Variants in BCKDHB observed in about 807,000 individuals in gnomAD.
BCKDHB encodes the protein branched chain keto acid dehydrogenase E1 subunit beta.
BCKDHB carries 41 observed loss-of-function variants against 48.5 expected under a neutral mutation model. The ratio of observed to expected loss-of-function variants is 0.85; its 90% CI spans 0.66 to 1.10. The LOEUF (loss-of-function observed/expected upper bound fraction) is 1.10, where lower values mean the gene tolerates loss of function less well. Among genes scored for constraint, BCKDHB ranks in the 50% least tolerant of loss-of-function variants. The probability of loss-of-function intolerance (pLI) is 0.00; values close to 1 mark genes in which losing one functional copy is unlikely to be tolerated. For synonymous variants in BCKDHB, 201 were observed against 174.8 expected, an observed-to-expected ratio of 1.15 and a Z score of -1.18; for missense variants, 496 against 494.2, an observed-to-expected ratio of 1.00 and a Z score of -0.03.
At chr6:80,215,907 A>G (rs1476141617) in intron 8 of BCKDHB, among the ~76,000 whole-genome samples, 2 of 151,984 alleles carry the variant, frequency 1.3e-5, no homozygotes, top group African/African-American at 4.8e-5. Context: ...ATGCCCGTCT[A>G]ATTTTTTGTA....
At chr6:80,233,188 A>G (rs1190222367) in intron 8 of BCKDHB, among the ~76,000 whole-genome samples, 1 of 152,052 alleles carries the variant, frequency 6.6e-6, no homozygotes, top group Non-Finnish European at 1.5e-5. Flanking sequence ...TCTCATTAAC[A>G]TAGTAAGCCT....
chr6:80,367,727 A>G, the BCKDHB span, among the ~76,000 whole-genome samples: 1 of 152,226 alleles, frequency 6.6e-6, no homozygotes, highest in African/African-American at 2.4e-5. Flanking sequence ...AAGGTGAAAC[A>G]TGTACCTGGT....
At chr6:80,385,676 C>G in the BCKDHB span, among the ~76,000 whole-genome samples, 2 of 152,164 alleles carry the variant, frequency 1.3e-5, no homozygotes, top group Non-Finnish European at 2.9e-5. Context: ...CTCTACACCT[C>G]TATTTGCTTC....
intron 8 of BCKDHB, among the ~76,000 whole-genome samples, chr6:80,245,468 T>C (rs1235433268): frequency 6.6e-6 from 1 of 152,174 alleles, no homozygotes; most frequent in Non-Finnish European, 1.5e-5. Flanking sequence ...GCTTCCTTCC[T>C]TGCTGGACCT....
intron 3 of BCKDHB, among the ~76,000 whole-genome samples, chr6:80,137,623 C>G (rs1306945280): frequency 3.9e-5 from 6 of 152,030 alleles, no homozygotes; most frequent in African/African-American, 1.2e-4. Flanking sequence ...GAGGGTATAT[C>G]TAGTCTAGTG....
intron 9 of BCKDHB, among the ~76,000 whole-genome samples, chr6:80,333,863 C>T (rs1303810681): frequency 2.6e-5 from 4 of 151,964 alleles, no homozygotes; most frequent in Admixed American, 2.6e-4. Flanking sequence ...ATGAAAGTAT[C>T]CAGAACCAGA....
At chr6:80,409,607 T>G in the BCKDHB span, among the ~76,000 whole-genome samples, 1 of 77,984 alleles carries the variant, frequency 1.3e-5, no homozygotes, top group Non-Finnish European at 2.3e-5. Context: ...TATATATATA[T>G]ATATATATAT....
the BCKDHB span, among the ~76,000 whole-genome samples, chr6:80,425,760 T>G: frequency 2.0e-5 from 3 of 152,188 alleles, no homozygotes; most frequent in Admixed American, 1.3e-4. Context: ...TGCTGTGTTT[T>G]GTATTTGGAA....
intron 8 of BCKDHB, among the ~76,000 whole-genome samples, chr6:80,236,306 A>G (rs1776144237): frequency 6.6e-6 from 1 of 152,196 alleles, no homozygotes; most frequent in Admixed American, 6.5e-5. Flanking sequence ...GGGCTGTTTT[A>G]TACAATTTTG....
chr6:80,253,945 T>C (rs538193684), intron 8 of BCKDHB, among the ~76,000 whole-genome samples: 1 of 145,942 alleles, frequency 6.9e-6, no homozygotes, highest in South Asian at 2.1e-4. Context: ...TTGAATTAAG[T>C]TAATTAATTA....
intron 8 of BCKDHB, among the ~76,000 whole-genome samples, chr6:80,204,163 T>C (rs944630596): frequency 3.3e-5 from 5 of 152,120 alleles, no homozygotes; most frequent in Admixed American, 2.6e-4. Flanking sequence ...TACAGGCTCT[T>C]TCTTGGGTTA....
At chr6:80,413,600 TA>T in the BCKDHB span, among the ~76,000 whole-genome samples, 1 of 152,224 alleles carries the variant, frequency 6.6e-6, no homozygotes, top group African/African-American at 2.4e-5. Flanking sequence ...GGCATCCAAC[TA>T]CATTCATGTT....
intron 6 of BCKDHB, among the ~76,000 whole-genome samples, chr6:80,193,434 C>T (rs1315613345): frequency 2.0e-5 from 3 of 151,946 alleles, no homozygotes; most frequent in Admixed American, 6.6e-5. Flanking sequence ...TAAGAAGTCT[C>T]CTGGCCAGGC....
chr6:80,267,218 G>A (rs764036252), intron 8 of BCKDHB, among the ~76,000 whole-genome samples: 2 of 152,052 alleles, frequency 1.3e-5, no homozygotes, highest in Admixed American at 1.3e-4. Flanking sequence ...ACAGTGCTGT[G>A]CTATGAGGTA....
chr6:80,354,243 T>TTTATTTA, the BCKDHB span, among the ~76,000 whole-genome samples: 775 of 144,486 alleles, frequency 5.4e-3, 3 homozygotes, highest in Admixed American at 7.4e-3. Context: ...TTATTTATTT[T>TTTATTTA]TTTATACAGA....
At chr6:80,166,964 A>T (rs1442831929) in intron 3 of BCKDHB, among the ~76,000 whole-genome samples, 1 of 151,942 alleles carries the variant, frequency 6.6e-6, no homozygotes, top group Non-Finnish European at 1.5e-5. Context: ...TTTGTCAGTT[A>T]TTAAGACTAG....
At chr6:80,373,283 C>T in the BCKDHB span, among the ~76,000 whole-genome samples, 7 of 152,210 alleles carry the variant, frequency 4.6e-5, no homozygotes, top group East Asian at 5.8e-4. Context: ...TCTGTGGTTT[C>T]GGTTGACATA....
intron 6 of BCKDHB, among the ~76,000 whole-genome samples, chr6:80,189,093 CAA>C (rs1773779329): frequency 2.6e-5 from 4 of 152,154 alleles, no homozygotes. Context: ...AGAATGTGTG[CAA>C]AGTCAAATAT....
At chr6:80,173,817 T>C (rs79837354) in intron 6 of BCKDHB, among the ~76,000 whole-genome samples, 1 of 140,630 alleles carries the variant, frequency 7.1e-6, no homozygotes, top group Non-Finnish European at 1.6e-5. Context: ...TTTTTTTTTT[T>C]GGATCTTCTG....
Sources: gnomAD v4.1 joint callset for allele counts (sites outside exome capture counted in the v4.1 genomes callset) on GRCh38, gnomAD v4.1.1 for gene constraint, MANE v1.5 for transcripts, NCBI Gene and HGNC (gene_info 2026-07-23, HGNC 2026-07-21) for gene names.